The following SNX29 variants were observed in gnomAD, a reference collection of about 807,000 sequenced individuals.
The protein encoded by SNX29 is sorting nexin-29.
In SNX29, 78 loss-of-function variants were observed where a neutral mutation model predicts 102.1. That is an observed-to-expected ratio of 0.76 (90% CI 0.64 to 0.92). The LOEUF (loss-of-function observed/expected upper bound fraction) is 0.92. Among genes scored for constraint, SNX29 ranks in the 40% least tolerant of loss-of-function variants. The pLI is 0.00. For synonymous variants in SNX29, 580 were observed against 414.5 expected, an observed-to-expected ratio of 1.40 and a Z score of -4.85; for missense variants, 1,280 against 1,061.7, an observed-to-expected ratio of 1.21 and a Z score of -2.86.
At chr16:12,557,023 C>CCCCCCCT (rs1555458244) in intron 20 of SNX29, among the ~76,000 whole-genome samples, 11 of 120,908 alleles carry the variant, frequency 9.1e-5, no homozygotes, top group African/African-American at 3.3e-4. Flanking sequence ...TTACCCCCCC[C>CCCCCCCT]CCGCCCCAAG....
At chr16:12,005,598 CT>C (rs2056426577) in intron 3 of SNX29, among the ~76,000 whole-genome samples, 1 of 152,098 alleles carries the variant, frequency 6.6e-6, no homozygotes, top group African/African-American at 2.4e-5. Context: ...TCCATGACTT[CT>C]TGACCACTTT....
At chr16:12,326,205 T>A (rs2081112604) in intron 15 of SNX29, among the ~76,000 whole-genome samples, 2 of 152,028 alleles carry the variant, frequency 1.3e-5, no homozygotes, top group African/African-American at 4.8e-5. Context: ...AGAGATGGGG[T>A]TTCGCCATGT....
intron 14 of SNX29, among the ~76,000 whole-genome samples, chr16:12,258,998 A>G (rs908242226): frequency 6.6e-6 from 1 of 152,094 alleles, no homozygotes; most frequent in East Asian, 1.9e-4. Flanking sequence ...CCATCAGCAG[A>G]CAGAGAGCTG....
intron 20 of SNX29, among the ~76,000 whole-genome samples, chr16:12,549,369 C>G (rs1007255526): frequency 1.3e-5 from 2 of 152,136 alleles, no homozygotes; most frequent in African/African-American, 4.8e-5. Context: ...GTGGTGTGCA[C>G]CTGTAGTCCC....
chr16:12,059,723 G>A (rs2050691177), intron 8 of SNX29, among the ~76,000 whole-genome samples: 1 of 152,170 alleles, frequency 6.6e-6, no homozygotes, highest in South Asian at 2.1e-4. Context: ...AAAGAAGACT[G>A]TGTCATGAAG....
intron 13 of SNX29, among the ~76,000 whole-genome samples, chr16:12,132,434 C>T (rs772722831): frequency 1.2e-4 from 18 of 152,112 alleles, no homozygotes; most frequent in Non-Finnish European, 2.5e-4. Context: ...TAGCAGTCAG[C>T]GTAGTCTTGA....
intron 18 of SNX29, among the ~76,000 whole-genome samples, chr16:12,433,262 C>A (rs546983354): frequency 1.9e-4 from 29 of 152,262 alleles, no homozygotes; most frequent in African/African-American, 6.3e-4. Flanking sequence ...GTCGATGTAA[C>A]GAGCCTTCTT....
intron 1 of SNX29, among the ~76,000 whole-genome samples, chr16:11,985,899 C>G (rs2055603532): frequency 6.8e-6 from 1 of 147,116 alleles, no homozygotes; most frequent in African/African-American, 2.5e-5. Context: ...GTGGCGTGAT[C>G]TTGGCTCACT....
chr16:12,122,303 C>A (rs960403353), intron 11 of SNX29, among the ~76,000 whole-genome samples: 1 of 152,136 alleles, frequency 6.6e-6, no homozygotes, highest in East Asian at 1.9e-4. Flanking sequence ...GAAGACTCTA[C>A]ATGATGGGCT....
At chr16:12,397,012 A>G (rs2083747642) in intron 16 of SNX29, among the ~76,000 whole-genome samples, 1 of 152,212 alleles carries the variant, frequency 6.6e-6, no homozygotes, top group Non-Finnish European at 1.5e-5. Context: ...CAGCCTCTGG[A>G]GTAGGTGGAA....
chr16:12,237,737 G>A (rs112851326), intron 14 of SNX29, among the ~76,000 whole-genome samples: 3,993 of 152,016 alleles, frequency 0.026, 77 homozygotes, highest in Non-Finnish European at 0.042. Context: ...TGAAACCCCC[G>A]TCTCTACTAA....
chr16:12,565,155 T>C (rs1012563152), intron 20 of SNX29, among the ~76,000 whole-genome samples: 1 of 152,110 alleles, frequency 6.6e-6, no homozygotes, highest in African/African-American at 2.4e-5. Flanking sequence ...TTTGCCAGTT[T>C]ACATACTCCC....
At chr16:12,050,878 AT>A (rs530304484) in intron 7 of SNX29, among the ~76,000 whole-genome samples, 9,294 of 144,640 alleles carry the variant, frequency 0.064, 445 homozygotes, top group East Asian at 0.26. Context: ...CGCCCAACTA[AT>A]TTTTTTTTTT....
chr16:12,514,286 C>T (rs905925413), intron 19 of SNX29, among the ~76,000 whole-genome samples: 5 of 152,196 alleles, frequency 3.3e-5, no homozygotes, highest in African/African-American at 1.2e-4. Context: ...AGTCCAGATT[C>T]TCTCATGTGG....
chr16:12,525,533 C>T (rs57929703), intron 20 of SNX29, among the ~76,000 whole-genome samples: 8,763 of 151,814 alleles, frequency 0.058, 471 homozygotes, highest in African/African-American at 0.14. Flanking sequence ...ATTAGCCAGC[C>T]GTGCAAAAAT....
intron 18 of SNX29, among the ~76,000 whole-genome samples, chr16:12,439,015 G>A (rs1225150391): frequency 5.9e-5 from 9 of 152,228 alleles, no homozygotes; most frequent in South Asian, 4.1e-4. Flanking sequence ...GTCTTCCATC[G>A]TGGTTGCACA....
At chr16:12,520,653 T>C (rs1401227165) in intron 19 of SNX29, among the ~76,000 whole-genome samples, 1 of 152,140 alleles carries the variant, frequency 6.6e-6, no homozygotes, top group African/African-American at 2.4e-5. Context: ...TGCGGCAACT[T>C]GGATGAAGCA....
chr16:12,047,788 G>C (rs2050148495), intron 6 of SNX29, among the ~76,000 whole-genome samples: 1 of 151,704 alleles, frequency 6.6e-6, no homozygotes, highest in South Asian at 2.1e-4. Flanking sequence ...CTCCCGAGTA[G>C]CTGGGATTAT....
In SNX29 at chr16:12,042,994, T is replaced by A; in HGVS notation, c.345T>A (p.Gly115=). 6.2e-7 allele frequency: 1 copy of A among 1,613,340 alleles called. No homozygotes were observed. Among genetic ancestry groups the A allele is most frequent in the East Asian group, 2.2e-5 (1 of 44,876 alleles). The change falls in exon 5 of 21, where the codon GGT becomes GGA. Residue 115 remains glycine (G), a synonymous_variant. Transcript: ENST00000566228. ...ACATCGCCTCAGACGTGGGCCGGGG[T>A]CGCGCCTGGCTGCGCTGTGCCCTCA... is the stretch of plus-strand genomic sequence containing the variant. ...LRHIASDVGR[G]RAWLRCALNE...
Sources: gnomAD v4.1 joint callset for allele counts (sites outside exome capture counted in the v4.1 genomes callset) on GRCh38, gnomAD v4.1.1 for gene constraint, MANE v1.5 for transcripts, NCBI Gene and HGNC (gene_info 2026-07-23, HGNC 2026-07-21) for gene names.